Variants in TACR3 observed in about 807,000 individuals in gnomAD.
TACR3 encodes tachykinin receptor 3.
TACR3 carries 34 observed loss-of-function variants against 35.0 expected under a neutral mutation model. The observed-to-expected ratio is 0.97, with a 90% CI of 0.74 to 1.30. TACR3 has a LOEUF of 1.30. TACR3 is among the 50% of genes most tolerant of loss of function. TACR3 has a pLI of 0.00. For missense variants in TACR3, 558 were observed against 591.7 expected, an observed-to-expected ratio of 0.94 and a Z score of 0.59; for synonymous variants, 233 against 221.1, an observed-to-expected ratio of 1.05 and a Z score of -0.48.
rs753025909 is a variant in TACR3 at position 103,719,450 on chromosome 4, T to G, written c.226A>C (p.Asn76His). ...CGCCAGGACGGCTGCACGAACTGGT[T>G]GGTGAGGTTGGCCCAGGGCTGGGAG... ...APSQPWANLTNQFVQPSWRIA... is the reference protein window; with the variant it reads ...APSQPWANLTHQFVQPSWRIA... The change falls in exon 1 of 5, where the codon AAC becomes CAC. Residue 76 changes from asparagine to histidine, a missense_variant. Coordinates refer to ENST00000304883, the MANE Select transcript of TACR3 (RefSeq NM_001059.3). 6.2e-7 allele frequency: 1 copy of G among 1,614,170 alleles called. No homozygotes were observed. Among genetic ancestry groups the G allele is most frequent in the Non-Finnish European group, 8.5e-7 (1 of 1,180,026 alleles).
rs574257881 is a variant in TACR3, at chr4:103,586,533, A to C, written c.*3149T>G. On this transcript the variant is annotated 3_prime_UTR_variant, in exon 5 of 5. Coordinates refer to ENST00000304883, the MANE Select transcript of TACR3 (RefSeq NM_001059.3). ...AAATTCAAATGTTGAGCTGGCCAGC[A>C]TTTATTTTTCACATTTATTTTGTAT... The C allele has an allele frequency of 7.3e-4, 111 of 152,174 alleles. No individual in the cohort carries two copies. The highest frequency in any genetic ancestry group is 2.4e-3 in the African/African-American group (100 of 41,534). 9.4% of individuals were successfully genotyped at this position (152,174 alleles called of 1,614,324 possible).
At chr4:103,703,506 T>G (rs1989933) in intron 1 of TACR3, among the ~76,000 whole-genome samples, 23,137 of 152,120 alleles carry the variant, frequency 0.15, 2,289 homozygotes, top group East Asian at 0.43. Flanking sequence ...TATATCGGAC[T>G]GTTAAATCCA....
intron 3 of TACR3, among the ~76,000 whole-genome samples, chr4:103,621,788 G>A (rs1488774580): frequency 6.6e-6 from 1 of 152,164 alleles, no homozygotes; most frequent in Non-Finnish European, 1.5e-5. Context: ...ACTACACATA[G>A]GTTTGGAGTG....
intron 3 of TACR3, among the ~76,000 whole-genome samples, chr4:103,638,660 A>G (rs1226036119): frequency 6.6e-6 from 1 of 152,180 alleles, no homozygotes; most frequent in Non-Finnish European, 1.5e-5. Context: ...GACAACCTAC[A>G]GAATGGGAGA....
chr4:103,589,925 T>A lies in TACR3; in HGVS notation c.1155A>T (p.Leu385=). The A allele has an allele frequency of 6.2e-7, 1 of 1,613,974 alleles. No homozygotes were observed. The highest frequency in any genetic ancestry group is 2.2e-5 in the East Asian group (1 of 44,874). The change falls in exon 5 of 5, where the codon CTA becomes CTT. Residue 385 remains leucine, a synonymous_variant. Transcript: ENST00000304883. Reference sequence around the variant, plus strand: ...GATGAAACCTGGTGGTCTTGAGCTCTAGCTCATCATAGCTGGAAACTTTGA... The same window carrying A: ...GATGAAACCTGGTGGTCTTGAGCTCAAGCTCATCATAGCTGGAAACTTTGA... The part of the protein sequence containing the change: ...PFIKVSSYDE[L]ELKTTRFHPN...
intron 3 of TACR3, among the ~76,000 whole-genome samples, chr4:103,616,673 G>A (rs941708853): frequency 2.0e-5 from 3 of 152,172 alleles, no homozygotes; most frequent in African/African-American, 2.4e-5. Context: ...TCAGCCAGGC[G>A]CAGTGGCTCA....
At chr4:103,602,775 C>T (rs1459297907) in intron 3 of TACR3, among the ~76,000 whole-genome samples, 2 of 152,120 alleles carry the variant, frequency 1.3e-5, no homozygotes, top group African/African-American at 4.8e-5. Flanking sequence ...AGTACCAGGC[C>T]ATGTGAGGTG....
At chr4:103,706,578 T>C (rs1186705740) in intron 1 of TACR3, among the ~76,000 whole-genome samples, 2 of 152,114 alleles carry the variant, frequency 1.3e-5, no homozygotes, top group Non-Finnish European at 2.9e-5. Flanking sequence ...TAATGTACTA[T>C]ACATGAGTGC....
chr4:103,697,151 T>C lies in TACR3; in HGVS notation c.548+21977A>G, dbSNP rs73835400. 3.9e-3 allele frequency among the ~76,000 whole-genome samples: 598 copies of C among 152,272 alleles called. 4 individuals are homozygous for C. Among genetic ancestry groups the C allele is most frequent in the African/African-American group, 0.013 (552 of 41,562 alleles). On this transcript the variant is annotated intron_variant, in intron 1 of 4. Transcript: ENST00000304883. The stretch of plus-strand genomic sequence containing the variant: ...CACTTGGGCAATACAACTATGTGCT[T>C]TTCTGTTTGTGCATGAACTGAATGA...
intron 1 of TACR3, among the ~76,000 whole-genome samples, chr4:103,700,118 C>T (rs1722616729): frequency 6.6e-6 from 1 of 152,082 alleles, no homozygotes; most frequent in African/African-American, 2.4e-5. Context: ...ATCACAGGTA[C>T]TCCTGGATAA....
At chr4:103,645,672 A>G in intron 3 of TACR3, among the ~76,000 whole-genome samples, 1 of 152,008 alleles carries the variant, frequency 6.6e-6, no homozygotes, top group East Asian at 1.9e-4. Context: ...TGAGTTCTGC[A>G]CCCAAGTTGA....
intron 3 of TACR3, among the ~76,000 whole-genome samples, chr4:103,630,420 A>T (rs545396436): frequency 6.6e-6 from 1 of 152,322 alleles, no homozygotes; most frequent in Admixed American, 6.5e-5. Context: ...AGTGTGAGAA[A>T]ATCTTTGCAA....
At chr4:103,665,142 A>C (rs1725909924) in intron 1 of TACR3, among the ~76,000 whole-genome samples, 1 of 151,988 alleles carries the variant, frequency 6.6e-6, no homozygotes, top group Non-Finnish European at 1.5e-5. Context: ...CTTAAGAATA[A>C]ATGAATCATT....
At chr4:103,648,646 C>T (rs1725511346) in intron 3 of TACR3, among the ~76,000 whole-genome samples, 2 of 152,098 alleles carry the variant, frequency 1.3e-5, no homozygotes, top group South Asian at 4.1e-4. Context: ...AAAAGTACTC[C>T]ATTGTGTATA....
chr4:103,686,801 A>G (rs1050930505), intron 1 of TACR3, among the ~76,000 whole-genome samples: 3 of 152,134 alleles, frequency 2.0e-5, no homozygotes, highest in African/African-American at 4.8e-5. Context: ...ATTCACAGCC[A>G]AATTCTACCA....
At chr4:103,690,082 A>G (rs1300881884) in intron 1 of TACR3, among the ~76,000 whole-genome samples, 4 of 152,204 alleles carry the variant, frequency 2.6e-5, no homozygotes, top group Admixed American at 1.3e-4. Context: ...TGTAAAAGAG[A>G]AAATTGTCAA....
chr4:103,701,007 C>T (rs1209360769), intron 1 of TACR3, among the ~76,000 whole-genome samples: 1 of 152,188 alleles, frequency 6.6e-6, no homozygotes. Flanking sequence ...GATGCCCTCT[C>T]TCAACACTCC....
At chr4:103,647,045 G>A (rs1431401528) in intron 3 of TACR3, among the ~76,000 whole-genome samples, 1 of 151,830 alleles carries the variant, frequency 6.6e-6, no homozygotes, top group Non-Finnish European at 1.5e-5. Flanking sequence ...CAGAATAGGA[G>A]CAAGGCAAGG....
chr4:103,614,794 A>T (rs182396679), intron 3 of TACR3, among the ~76,000 whole-genome samples: 16 of 151,390 alleles, frequency 1.1e-4, no homozygotes, highest in African/African-American at 3.9e-4. Flanking sequence ...ATTCAGTAAG[A>T]TATTCATTTT....
Sources: gnomAD v4.1 joint callset for allele counts (sites outside exome capture counted in the v4.1 genomes callset) on GRCh38, gnomAD v4.1.1 for gene constraint, MANE v1.5 for transcripts, NCBI Gene and HGNC (gene_info 2026-07-23, HGNC 2026-07-21) for gene names.